The following OR51I1 variants were observed in gnomAD, a reference collection of about 807,000 sequenced individuals.
The protein encoded by OR51I1 is olfactory receptor 51I1.
OR51I1 carries 5 observed loss-of-function variants against 6.9 expected under a neutral mutation model. The ratio of observed to expected loss-of-function variants is 0.73; its 90% confidence interval spans 0.38 to 1.52. The LOEUF (loss-of-function observed/expected upper bound fraction) is 1.52. Among genes scored for constraint, OR51I1 ranks in the 40% most tolerant of loss-of-function variants. The probability of loss-of-function intolerance (pLI) is 0.03; values close to 1 mark genes in which losing one functional copy is unlikely to be tolerated. For synonymous variants in OR51I1, 183 were observed against 140.3 expected (o/e 1.30, Z -2.15); for missense variants, 465 against 388.5 (o/e 1.20, Z -1.66).
rs1236852763 is a variant in OR51I1, at chr11:5,440,748, G to A, written c.767C>T (p.Pro256Leu). The A allele has an allele frequency of 1.9e-5, 31 of 1,613,794 alleles. 1 individual carries two copies. Among genetic ancestry groups the A allele is most frequent in the Admixed American group, 5.0e-5 (3 of 59,906 alleles). The change falls in exon 1 of 1, where the codon CCC becomes CTC. Residue 256 changes from proline (P) to leucine (L), a missense_variant. Coordinates refer to ENST00000380211, the MANE Select transcript of OR51I1 (RefSeq NM_001005288.3). ...GTGAATCATGGAGACAGCAATTATG[G>A]GCACATAAAAGGCCAGCACTGCACA... is the stretch of plus-strand genomic sequence containing the variant. ...HICAVLAFYV[P>L]IIAVSMIHRF...
In OR51I1 at chr11:5,441,403, T is replaced by A. The variant is rs1262028960; in HGVS notation, c.112A>T (p.Met38Leu). 6.2e-7 allele frequency: 1 copy of A among 1,613,738 alleles called. No homozygotes were observed. Among genetic ancestry groups the A allele is most frequent in the Non-Finnish European group, 8.5e-7 (1 of 1,179,878 alleles). The change falls in exon 1 of 1, where the codon ATG (methionine) becomes TTG (leucine). Residue 38 changes from methionine to leucine, a missense_variant. Coordinates refer to ENST00000380211, the MANE Select transcript of OR51I1 (RefSeq NM_001005288.3). ...WVALIFCILY[M>L]ISIVGNLSIL... ...CTGAGGTTACCTACAATGGAGATCA[T>A]GTAGAGGATGCAGAAAATCAGGGCA...
At position 5,440,730 on chromosome 11, in the gene OR51I1, A is replaced by G. The variant is rs752477429; in HGVS notation, c.785T>C (p.Met262Thr). 11 of 1,613,898 alleles carry G rather than the reference A, an allele frequency of 6.8e-6. No homozygotes were observed. In the South Asian group the frequency reaches 9.9e-5, roughly 14 times the overall value. Residue 262 changes from methionine to threonine, a missense_variant, in exon 1 of 1, where the codon ATG becomes ACG. Met to Thr is a moderately conservative substitution (Grantham distance 81). Coordinates refer to ENST00000380211, the MANE Select transcript of OR51I1 (RefSeq NM_001005288.3). ...AGCACTTTTCCAGAAGCGGTGAATC[A>G]TGGAGACAGCAATTATGGGCACATA... ...AFYVPIIAVS[M>T]IHRFWKSAPP...
Position 5,440,923 on chromosome 11 carries a change from T to G in OR51I1, c.592A>C (p.Asn198His). Residue 198 changes from asparagine to histidine, a missense_variant, in exon 1 of 1, where the codon AAC becomes CAC. By Grantham distance (68) the Asn-to-His change is moderately conservative. Coordinates refer to ENST00000380211, the MANE Select transcript of OR51I1 (RefSeq NM_001005288.3). ...ATGATCACCAAGAGCCCATAAATGT[T>G]GTTAACATGGATGTCTCCACATGCT... ...KVACGDIHVN[N>H]IYGLLVIIFT... The G allele has an allele frequency of 6.2e-7, 1 of 1,613,890 alleles. No homozygotes were observed. The highest frequency in any genetic ancestry group is 1.3e-5 in the African/African-American group (1 of 75,030).
chr11:5,441,235 C>A lies in OR51I1; in HGVS notation c.280G>T (p.Val94Phe). Residue 94 changes from valine to phenylalanine, a missense_variant, in exon 1 of 1, where the codon GTT becomes TTT. Coordinates refer to ENST00000380211, the MANE Select transcript of OR51I1 (RefSeq NM_001005288.3). ...TGGACCAGGCAAGCATTAAACGCAA[C>A]ATGGTTGTAGTTGAAGCAGAAAGTA... is the stretch of plus-strand genomic sequence containing the variant. ...ISTFCFNYNH[V>F]AFNACLVQMF... 6.2e-7 allele frequency: 1 copy of A among 1,613,952 alleles called. No individual in the cohort carries two copies. The highest frequency in any genetic ancestry group is 1.7e-5 in the Admixed American group (1 of 59,946).
chr11:5,441,473 G>C lies in OR51I1; in HGVS notation c.42C>G (p.Leu14=). Residue 14 remains leucine (L), a synonymous_variant, in exon 1 of 1, where the codon CTC becomes CTG. Coordinates refer to ENST00000380211, the MANE Select transcript of OR51I1 (RefSeq NM_001005288.3). ...LNGTPFQPAT[L]QLTGIPGIQT... is the part of the protein sequence containing the mutation. Reference sequence around the variant, plus strand: ...GTATCCCAGGAATGCCTGTCAGCTGGAGTGTTGCTGGCTGGAAGGGGGTGC... The same window carrying C: ...GTATCCCAGGAATGCCTGTCAGCTGCAGTGTTGCTGGCTGGAAGGGGGTGC... 6.2e-7 allele frequency: 1 copy of C among 1,613,336 alleles called. No individual in the cohort carries two copies. Among genetic ancestry groups the C allele is most frequent in the Non-Finnish European group, 8.5e-7 (1 of 1,179,826 alleles).
In OR51I1 at chr11:5,441,509, C is replaced by A. The variant is rs764001183; in HGVS notation, c.6G>T (p.Leu2=). 12 of 1,610,018 alleles carry A rather than the reference C, an allele frequency of 7.5e-6. No individual in the cohort carries two copies. Among genetic ancestry groups the A allele is most frequent in the Admixed American group, 3.3e-5 (2 of 59,882 alleles). M[L]GLNGTPFQPA... ...GCTGGAAGGGGGTGCCATTGAGACCCAGCATGGTGGGAGAATATAGATAGG... is the reference window on the plus strand; with the variant it reads ...GCTGGAAGGGGGTGCCATTGAGACCAAGCATGGTGGGAGAATATAGATAGG... The change falls in exon 1 of 1, where the codon CTG becomes CTT. Residue 2 remains leucine (L), a synonymous_variant. Transcript: ENST00000380211.
Position 5,440,662 on chromosome 11 carries a change from C to A in OR51I1, c.853G>T (p.Val285Leu). The A allele has an allele frequency of 6.2e-7, 1 of 1,613,872 alleles. No homozygotes were observed. Among genetic ancestry groups the A allele is most frequent in the Non-Finnish European group, 8.5e-7 (1 of 1,179,868 alleles). Residue 285 changes from valine to leucine, a missense_variant, in exon 1 of 1, where the codon GTA becomes TTA. Coordinates refer to ENST00000380211, the MANE Select transcript of OR51I1 (RefSeq NM_001005288.3). ...ATGATAGGGTTGAGCATGGGTGGTA[C>A]AAACAGGTAGACATTGGACATCATG... ...HVMMSNVYLF[V>L]PPMLNPIIYS...
Position 5,440,683 on chromosome 11 carries a change from T to C in OR51I1, c.832A>G (p.Met278Val), listed in dbSNP as rs1404971201. 6.2e-7 allele frequency: 1 copy of C among 1,613,920 alleles called. No individual in the cohort carries two copies. The highest frequency in any genetic ancestry group is 8.5e-7 in the Non-Finnish European group (1 of 1,179,878). Reference protein sequence around the residue: ...KSAPPVVHVMMSNVYLFVPPM... With the variant: ...KSAPPVVHVMVSNVYLFVPPM... Reference sequence around the variant, plus strand: ...GGTACAAACAGGTAGACATTGGACATCATGACATGAACAACAGGTGGAGCA... The same window carrying C: ...GGTACAAACAGGTAGACATTGGACACCATGACATGAACAACAGGTGGAGCA... The change falls in exon 1 of 1, where the codon ATG becomes GTG. Residue 278 changes from methionine to valine, a missense_variant. Physicochemically the swap from Met to Val is conservative, Grantham distance 21. Coordinates refer to ENST00000380211, the MANE Select transcript of OR51I1 (RefSeq NM_001005288.3).
rs114245652 is a variant in OR51I1, at chr11:5,441,125, A to G, written c.390T>C (p.Tyr130=). 2.6e-3 allele frequency: 4,145 copies of G among 1,614,032 alleles called. 91 individuals carry two copies. In the African/African-American group the frequency reaches 0.05, roughly 19 times the overall value. The change falls in exon 1 of 1, where the codon TAT becomes TAC. Residue 130 remains tyrosine (Y), a synonymous_variant. Coordinates refer to ENST00000380211, the MANE Select transcript of OR51I1 (RefSeq NM_001005288.3). The stretch of plus-strand genomic sequence containing the variant: ...TGAGCACAGTGACATAGCGTAATGG[A>G]TAACAAATAGCCACAAAGCGATCCA... The part of the protein sequence containing the change: ...MSLDRFVAIC[Y]PLRYVTVLTH...
Position 5,440,594 on chromosome 11 carries a change from C to T in OR51I1, c.921G>A (p.Lys307=), listed in dbSNP as rs1272594189. The T allele has an allele frequency of 1.9e-6, 3 of 1,613,250 alleles. No homozygotes were observed. The highest frequency in any genetic ancestry group is 2.5e-6 in the Non-Finnish European group (3 of 1,179,396). The part of the protein sequence containing the change: ...KTKEIRKGIL[K]FFHKSQA Reference sequence around the variant, plus strand: ...CTCAGGCCTGGGATTTATGGAAGAACTTGAGAATCCCTTTGCGGATCTCCT... The same window carrying T: ...CTCAGGCCTGGGATTTATGGAAGAATTTGAGAATCCCTTTGCGGATCTCCT... The change falls in exon 1 of 1, where the codon AAG becomes AAA. Residue 307 remains lysine (K), a synonymous_variant. Coordinates refer to ENST00000380211, the MANE Select transcript of OR51I1 (RefSeq NM_001005288.3).
In OR51I1 at chr11:5,440,986, G is replaced by A; in HGVS notation, c.529C>T (p.His177Tyr). The part of the protein sequence containing the change: ...RLPFCKGNVL[H>Y]HSYCLHPDLM... ...TCTGGATGGAGACAGTAGGAGTGAT[G>A]CAAAACATTGCCTTTGCAGAAGGGC... Residue 177 changes from histidine (H) to tyrosine (Y), a missense_variant, in exon 1 of 1, where the codon CAT becomes TAT. His to Tyr is a moderately conservative substitution (Grantham distance 83, BLOSUM62 2). Transcript: ENST00000380211. 3.1e-6 allele frequency: 5 copies of A among 1,614,004 alleles called. No individual in the cohort carries two copies. The highest frequency in any genetic ancestry group is 4.2e-6 in the Non-Finnish European group (5 of 1,179,956).
At position 5,441,427 on chromosome 11, in the gene OR51I1, C is replaced by G; in HGVS notation, c.88G>C (p.Ala30Pro). The G allele has an allele frequency of 1.2e-6, 2 of 1,613,904 alleles. No homozygotes were observed. The highest frequency in any genetic ancestry group is 1.7e-6 in the Non-Finnish European group (2 of 1,179,890). ...PGIQTGLTWV[A>P]LIFCILYMIS... Reference sequence around the variant, plus strand: ...ATGTAGAGGATGCAGAAAATCAGGGCAACCCAGGTGAGGCCTGTTTGTATC... The same window carrying G: ...ATGTAGAGGATGCAGAAAATCAGGGGAACCCAGGTGAGGCCTGTTTGTATC... Residue 30 changes from alanine to proline, a missense_variant, in exon 1 of 1, where the codon GCC becomes CCC. By Grantham distance (27) the Ala-to-Pro change is conservative. Coordinates refer to ENST00000380211, the MANE Select transcript of OR51I1 (RefSeq NM_001005288.3).
Position 5,440,927 on chromosome 11 carries a change from A to C in OR51I1, c.588T>G (p.Val196=). Residue 196 remains valine, a synonymous_variant, in exon 1 of 1, where the codon GTT becomes GTG. Transcript: ENST00000380211. ...TCACCAAGAGCCCATAAATGTTGTT[A>C]ACATGGATGTCTCCACATGCTACTT... ...LMKVACGDIH[V]NNIYGLLVII... is the part of the protein sequence containing the mutation. 6.2e-7 allele frequency: 1 copy of C among 1,613,864 alleles called. No homozygotes were observed. Among genetic ancestry groups the C allele is most frequent in the East Asian group, 2.2e-5 (1 of 44,876 alleles).
Position 5,440,699 on chromosome 11 carries a change from A to T in OR51I1, c.816T>A (p.Pro272=). The change falls in exon 1 of 1, where the codon CCT becomes CCA. Residue 272 remains proline (P), a synonymous_variant. Transcript: ENST00000380211. ...MIHRFWKSAP[P]VVHVMMSNVY... ...CATTGGACATCATGACATGAACAAC[A>T]GGTGGAGCACTTTTCCAGAAGCGGT... is the stretch of plus-strand genomic sequence containing the variant. The T allele has an allele frequency of 6.2e-7, 1 of 1,613,900 alleles. No homozygotes were observed. Among genetic ancestry groups the T allele is most frequent in the East Asian group, 2.2e-5 (1 of 44,878 alleles).
chr11:5,441,015 C>A lies in OR51I1; in HGVS notation c.500G>T (p.Arg167Leu). 6.2e-7 allele frequency: 1 copy of A among 1,613,942 alleles called. No homozygotes were observed. ...AACATTGCCTTTGCAGAAGGGCAGTCGTTTCACCACAAAAGGGAAAGGGAA... is the reference window on the plus strand; with the variant it reads ...AACATTGCCTTTGCAGAAGGGCAGTAGTTTCACCACAAAAGGGAAAGGGAA... ...TLFPFPFVVKRLPFCKGNVLH... is the reference protein window; with the variant it reads ...TLFPFPFVVKLLPFCKGNVLH... The change falls in exon 1 of 1, where the codon CGA becomes CTA. Residue 167 changes from arginine (R) to leucine (L), a missense_variant. Physicochemically the swap from Arg to Leu is moderately radical, Grantham distance 102 (BLOSUM62 -2). Transcript: ENST00000380211.
rs1208616495 is a variant in OR51I1, at chr11:5,440,918, A to G, written c.597T>C (p.Ile199=). 3.7e-6 allele frequency: 6 copies of G among 1,613,760 alleles called. No homozygotes were observed. The East Asian group carries it at 8.9e-5, about 24-fold the overall frequency. Residue 199 remains isoleucine, a synonymous_variant, in exon 1 of 1, where the codon ATT becomes ATC. Coordinates refer to ENST00000380211, the MANE Select transcript of OR51I1 (RefSeq NM_001005288.3). ...VACGDIHVNN[I]YGLLVIIFTY... ...TAAAAATGATCACCAAGAGCCCATA[A>G]ATGTTGTTAACATGGATGTCTCCAC... is the stretch of plus-strand genomic sequence containing the variant.
In OR51I1 at chr11:5,441,451, T is replaced by A. The variant is rs1263765470; in HGVS notation, c.64A>T (p.Ile22Leu). 1 of 1,613,656 alleles carries A rather than the reference T, an allele frequency of 6.2e-7. No homozygotes were observed. The highest frequency in any genetic ancestry group is 1.3e-5 in the African/African-American group (1 of 74,894). The change falls in exon 1 of 1, where the codon ATA becomes TTA. Residue 22 changes from isoleucine (I) to leucine (L), a missense_variant. Coordinates refer to ENST00000380211, the MANE Select transcript of OR51I1 (RefSeq NM_001005288.3). ...ATLQLTGIPGIQTGLTWVALI... is the reference protein window; with the variant it reads ...ATLQLTGIPGLQTGLTWVALI... ...GCAACCCAGGTGAGGCCTGTTTGTA[T>A]CCCAGGAATGCCTGTCAGCTGGAGT...
Position 5,441,176 on chromosome 11 carries a change from C to T in OR51I1, c.339G>A (p.Glu113=), listed in dbSNP as rs763290743. The part of the protein sequence containing the change: ...MFFIHTFSFM[E]SGILLAMSLD... Reference sequence around the variant, plus strand: ...AGCTCATGGCCAGCAGTATGCCTGACTCCATGAAGGAGAAAGTGTGGATGA... The same window carrying T: ...AGCTCATGGCCAGCAGTATGCCTGATTCCATGAAGGAGAAAGTGTGGATGA... The change falls in exon 1 of 1, where the codon GAG becomes GAA. Residue 113 remains glutamate, a synonymous_variant. Transcript: ENST00000380211. 3 of 1,613,428 alleles carry T rather than the reference C, an allele frequency of 1.9e-6. No individual in the cohort carries two copies. The highest frequency in any genetic ancestry group is 1.7e-5 in the Admixed American group (1 of 59,926).
In OR51I1 at chr11:5,440,846, G is replaced by A. The variant is rs766547926; in HGVS notation, c.669C>T (p.Ile223=). The change falls in exon 1 of 1, where the codon ATC becomes ATT. Residue 223 remains isoleucine (I), a synonymous_variant. Transcript: ENST00000380211. ...STFILLSYAL[I]LRAMLVIISQ... ...ATATGATGACCAGCATGGCTCTCAG[G>A]ATCAATGCGTAGGAAAGCAGGATGA... 8.1e-5 allele frequency: 130 copies of A among 1,613,694 alleles called. 1 individual carries two copies. The highest frequency in any genetic ancestry group is 1.1e-4 in the East Asian group (5 of 44,874).
Sources: allele counts gnomAD v4.1 joint callset, GRCh38; gene constraint gnomAD v4.1.1; transcripts MANE v1.5; gene names NCBI Gene and HGNC (gene_info 2026-07-23, HGNC 2026-07-21).